MYLK4: variants seen among roughly 807,000 people sequenced by gnomAD.
The protein encoded by MYLK4 is caMLCK like.
A neutral mutation model predicts 48.1 loss-of-function variants in MYLK4; 46 were observed. The ratio of observed to expected loss-of-function variants is 0.96; its 90% CI spans 0.75 to 1.22. The LOEUF is 1.22. MYLK4 is among the 50% of genes most tolerant of loss of function. The pLI, the probability that MYLK4 is intolerant of heterozygous loss-of-function variation, is 0.00. For synonymous variants in MYLK4, 170 were observed against 180.8 expected, an observed-to-expected ratio of 0.94 and a Z score of 0.48; for missense variants, 451 against 486.1, an observed-to-expected ratio of 0.93 and a Z score of 0.68.
intron 6 of MYLK4, among the ~76,000 whole-genome samples, chr6:2,684,537 C>G (rs988428409): frequency 6.6e-6 from 1 of 152,134 alleles, no homozygotes; most frequent in African/African-American, 2.4e-5. Context: ...TTGCAGTCGG[C>G]CCTCCCTATT....
intron 3 of MYLK4, among the ~76,000 whole-genome samples, chr6:2,691,225 C>T (rs1761785397): frequency 6.6e-6 from 1 of 152,192 alleles, no homozygotes; most frequent in South Asian, 2.1e-4. Flanking sequence ...CCTTACTGAA[C>T]ACATCTGGCA....
chr6:2,731,961 C>T (rs889579303), intron 2 of MYLK4, among the ~76,000 whole-genome samples: 1 of 152,214 alleles, frequency 6.6e-6, no homozygotes, highest in Admixed American at 6.5e-5. Context: ...GTCTGACCAT[C>T]TCCAGGGAGC....
chr6:2,766,056 C>T, the MYLK4 span: 3 of 1,294,028 alleles, frequency 2.3e-6, no homozygotes, highest in Admixed American at 4.2e-5. Flanking sequence ...AGGCCGGCGG[C>T]CGCCGCCGCG....
At chr6:2,713,314 G>A (rs917436518) in intron 2 of MYLK4, among the ~76,000 whole-genome samples, 1 of 151,112 alleles carries the variant, frequency 6.6e-6, no homozygotes, top group Non-Finnish European at 1.5e-5. Flanking sequence ...AGATTGCCGT[G>A]AGCCAAGATC....
At chr6:2,727,610 A>G (rs530747562) in intron 2 of MYLK4, among the ~76,000 whole-genome samples, 1 of 152,330 alleles carries the variant, frequency 6.6e-6, no homozygotes, top group South Asian at 2.1e-4. Context: ...GGCCTGGAAC[A>G]GGGTTCTAAA....
chr6:2,770,317 C>T, the MYLK4 span: 1 of 1,614,200 alleles, frequency 6.2e-7, no homozygotes, highest in African/African-American at 1.3e-5. Context: ...TAGACTCTAG[C>T]CGTCCCACTG....
At chr6:2,766,381 C>T in the MYLK4 span, 9 of 1,608,710 alleles carry the variant, frequency 5.6e-6, no homozygotes, top group African/African-American at 1.3e-5. Flanking sequence ...CCCTGCTGCG[C>T]TCGCTCCTGG....
chr6:2,688,855 C>T lies in MYLK4; in HGVS notation c.337G>A (p.Gly113Arg), dbSNP rs756609971. 11 of 1,613,206 alleles carry T rather than the reference C, an allele frequency of 6.8e-6. No homozygotes were observed. Among genetic ancestry groups the T allele is most frequent in the Non-Finnish European group, 9.3e-6 (11 of 1,179,272 alleles). The part of the protein sequence containing the change: ...FYTVSKTEIL[G>R]GGRFGQVHKC... ...TTAACATTCAGCCTTACTCACCCTC[C>T]TAGGATTTCTGTCTTGCTCACAGTA... The change falls in exon 4 of 13, where the codon GGA becomes AGA. Residue 113 changes from glycine to arginine, a missense_variant. Transcript: ENST00000274643.
chr6:2,690,232 C>T (rs1452621327), intron 3 of MYLK4, among the ~76,000 whole-genome samples: 1 of 152,206 alleles, frequency 6.6e-6, no homozygotes, highest in Non-Finnish European at 1.5e-5. Flanking sequence ...GCTTGCCTGG[C>T]TGCCTGTGTC....
chr6:2,763,363 G>C, the MYLK4 span, among the ~76,000 whole-genome samples: 1 of 152,238 alleles, frequency 6.6e-6, no homozygotes, highest in African/African-American at 2.4e-5. Flanking sequence ...GGTGGTGAAC[G>C]GCCCTGGGTG....
At chr6:2,707,587 T>C (rs140169253) in intron 2 of MYLK4, among the ~76,000 whole-genome samples, 49 of 152,332 alleles carry the variant, frequency 3.2e-4, no homozygotes, top group African/African-American at 1.1e-3. Context: ...TTATTTAAAA[T>C]AAGTAAGTTC....
the MYLK4 span, among the ~76,000 whole-genome samples, chr6:2,760,422 G>C: frequency 6.6e-6 from 1 of 152,190 alleles, no homozygotes; most frequent in South Asian, 2.1e-4. Flanking sequence ...TCTATGTCCA[G>C]AGTTTTTATT....
rs772912800 is a variant in MYLK4, at chr6:2,679,488, C to A, written c.759-80G>T. Reference sequence around the variant, plus strand: ...CACTGAAATGATGTAGTCTATGAGACAAAATGACTTCAGCCATACAGCAAA... The same window carrying A: ...CACTGAAATGATGTAGTCTATGAGAAAAAATGACTTCAGCCATACAGCAAA... On this transcript the variant is annotated intron_variant, in intron 8 of 12. Coordinates refer to ENST00000274643, the MANE Select transcript of MYLK4 (RefSeq NM_001012418.5). The A allele has an allele frequency of 9.1e-6, 14 of 1,541,006 alleles. No homozygotes were observed. The South Asian group carries it at 1.5e-4, about 16-fold the overall frequency.
the MYLK4 span, chr6:2,768,724 A>C: frequency 6.2e-7 from 1 of 1,612,710 alleles, no homozygotes; most frequent in Non-Finnish European, 8.5e-7. Flanking sequence ...CAGCAACAGC[A>C]AGAAACATAG....
intron 2 of MYLK4, among the ~76,000 whole-genome samples, chr6:2,697,295 G>T (rs932299355): frequency 6.6e-6 from 1 of 152,342 alleles, no homozygotes; most frequent in South Asian, 2.1e-4. Context: ...AACATAATTA[G>T]AACTATCAGC....
At chr6:2,748,412 G>A (rs1216054806) in intron 2 of MYLK4, among the ~76,000 whole-genome samples, 4 of 152,278 alleles carry the variant, frequency 2.6e-5, no homozygotes, top group South Asian at 2.1e-4. Context: ...TGCTCCCACC[G>A]GGCAAGGAGC....
chr6:2,694,088 C>A (rs1165297396), intron 2 of MYLK4, among the ~76,000 whole-genome samples: 1 of 152,150 alleles, frequency 6.6e-6, no homozygotes, highest in Non-Finnish European at 1.5e-5. Context: ...ATGCAGGGGG[C>A]AGCTCCATGG....
At chr6:2,680,900 A>G (rs1465263951) in intron 7 of MYLK4, among the ~76,000 whole-genome samples, 1 of 152,122 alleles carries the variant, frequency 6.6e-6, no homozygotes, top group Non-Finnish European at 1.5e-5. Context: ...ACCCCTGACT[A>G]AGTGTTCCCT....
upstream of MYLK4, among the ~76,000 whole-genome samples, chr6:2,751,798 T>G (rs186678208): frequency 6.6e-6 from 1 of 152,234 alleles, no homozygotes; most frequent in African/African-American, 2.4e-5. Context: ...AAAATACATA[T>G]TTTTCCATTT....
Sources: gnomAD v4.1 joint callset for allele counts (sites outside exome capture counted in the v4.1 genomes callset) on GRCh38, gnomAD v4.1.1 for gene constraint, MANE v1.5 for transcripts, NCBI Gene and HGNC (gene_info 2026-07-23, HGNC 2026-07-21) for gene names.